Variants in PHF24 observed in about 807,000 individuals in gnomAD.
The protein encoded by PHF24 is Galpha inhibitory interacting protein.
PHF24 carries 25 observed loss-of-function variants against 42.6 expected under a neutral mutation model. That is an observed-to-expected ratio of 0.59 (90% confidence interval 0.43 to 0.82). The LOEUF (loss-of-function observed/expected upper bound fraction) is 0.82. Ranked by LOEUF, PHF24 falls within the 40% of genes least tolerant of loss-of-function variation. PHF24 has a pLI of 0.00. For missense variants in PHF24, 470 were observed against 538.1 expected (o/e 0.87, Z 1.25); for synonymous variants, 185 against 204.8 (o/e 0.90, Z 0.83).
chr9:34,918,033 GC>G, the PHF24 span: 1 of 1,277,278 alleles, frequency 7.8e-7, no homozygotes, highest in East Asian at 2.3e-5. Context: ...CCACATCTGT[GC>G]CTGTGATCCC....
Position 34,960,925 on chromosome 9 carries a change from C to T in PHF24, c.-5+2524C>T, listed in dbSNP as rs1000799062. Among the ~76,000 whole-genome samples, 34 of 152,272 alleles carry T rather than the reference C, an allele frequency of 2.2e-4. 1 individual carries two copies. The South Asian group carries it at 5.2e-3, about 23-fold the overall frequency. On this transcript the variant is annotated intron_variant, in intron 1 of 7. Coordinates refer to ENST00000242315, the Ensembl canonical transcript of PHF24. ...CAAAGGGAAATAAAAGGGGAGAGAA[C>T]GGCTCACCCAGTTTCATTTGAGCTT...
At chr9:34,815,389 C>T in the PHF24 span, among the ~76,000 whole-genome samples, 349 of 152,280 alleles carry the variant, frequency 2.3e-3, 2 homozygotes, top group African/African-American at 7.3e-3. Flanking sequence ...GTGGCGCTAT[C>T]TTGGCTCACT....
chr9:34,713,146 T>C, the PHF24 span, among the ~76,000 whole-genome samples: 1 of 152,182 alleles, frequency 6.6e-6, no homozygotes, highest in Admixed American at 6.5e-5. Context: ...TTTTGCAAAG[T>C]GTGTATTCTT....
chr9:34,943,514 T>G, the PHF24 span, among the ~76,000 whole-genome samples: 1 of 152,312 alleles, frequency 6.6e-6, no homozygotes, highest in South Asian at 2.1e-4. Flanking sequence ...ATTAGAACCA[T>G]GAGGATGTTT....
chr9:34,938,470 T>C, the PHF24 span, among the ~76,000 whole-genome samples: 1 of 152,190 alleles, frequency 6.6e-6, no homozygotes, highest in African/African-American at 2.4e-5. Context: ...AAACAGAAAC[T>C]GCAGAGGCAG....
At chr9:34,732,303 G>A in the PHF24 span, among the ~76,000 whole-genome samples, 13 of 152,178 alleles carry the variant, frequency 8.5e-5, no homozygotes, top group East Asian at 2.5e-3. Flanking sequence ...ATTTTAACTG[G>A]GGTGAGATGA....
chr9:34,671,849 A>G, the PHF24 span, among the ~76,000 whole-genome samples: 1 of 150,308 alleles, frequency 6.7e-6, no homozygotes, highest in Non-Finnish European at 1.5e-5. Context: ...CCATCCATCC[A>G]TCCATGTGTC....
upstream of PHF24, among the ~76,000 whole-genome samples, chr9:34,954,596 CACAGTCTCTTTAATATCCCA>C (rs1227415708): frequency 1.3e-5 from 2 of 152,198 alleles, no homozygotes; most frequent in African/African-American, 4.8e-5. Context: ...GATTTCCCCC[CACAGTCTCTTTAATATCCCA>C]ACAGGTTTTT....
the PHF24 span, chr9:34,691,089 A>G: frequency 1.2e-6 from 2 of 1,608,054 alleles, no homozygotes; most frequent in African/African-American, 1.3e-5. Flanking sequence ...CTTCAGCCTT[A>G]CCTGGGGAAG....
chr9:34,912,425 C>T, the PHF24 span, among the ~76,000 whole-genome samples: 3 of 152,036 alleles, frequency 2.0e-5, no homozygotes, highest in Non-Finnish European at 2.9e-5. Flanking sequence ...ATTGAAAATC[C>T]GGCAGAGGAG....
chr9:34,825,879 G>A, the PHF24 span, among the ~76,000 whole-genome samples: 1 of 152,104 alleles, frequency 6.6e-6, no homozygotes. Flanking sequence ...TGCAAGGAGG[G>A]CTTCCCTTCC....
At chr9:34,855,201 T>C in the PHF24 span, among the ~76,000 whole-genome samples, 1 of 152,218 alleles carries the variant, frequency 6.6e-6, no homozygotes, top group Non-Finnish European at 1.5e-5. Flanking sequence ...GAAGACAGCA[T>C]ACCAATGGGG....
chr9:34,969,619 C>A lies in PHF24; in HGVS notation c.-4-1676C>A, dbSNP rs966750581. ...TCGTGCCACTGCACTCCAGCCTGGG[C>A]GACAGAGCGAGACTCTGTCTCAAAA... On this transcript the variant is annotated intron_variant, in intron 1 of 7. Transcript: ENST00000242315. Among the ~76,000 whole-genome samples the A allele has an allele frequency of 5.4e-5, 8 of 147,162 alleles. 1 individual carries two copies. Among genetic ancestry groups the A allele is most frequent in the African/African-American group, 2.0e-4 (8 of 39,044 alleles).
the PHF24 span, among the ~76,000 whole-genome samples, chr9:34,876,436 C>T: frequency 3.3e-5 from 5 of 152,152 alleles, no homozygotes; most frequent in South Asian, 1.0e-3. Context: ...ATATGACATT[C>T]TGGAGAGGGC....
the PHF24 span, among the ~76,000 whole-genome samples, chr9:34,671,082 C>T: frequency 6.6e-6 from 1 of 152,192 alleles, no homozygotes; most frequent in Non-Finnish European, 1.5e-5. Flanking sequence ...CACTGTCCCT[C>T]TCCCTTATTG....
the PHF24 span, among the ~76,000 whole-genome samples, chr9:34,741,623 A>G: frequency 1.8e-4 from 27 of 152,232 alleles, no homozygotes; most frequent in Non-Finnish European, 3.7e-4. Flanking sequence ...TGGCCTCCCA[A>G]AGTGCTGGGA....
At chr9:34,700,891 G>T in the PHF24 span, among the ~76,000 whole-genome samples, 1 of 152,180 alleles carries the variant, frequency 6.6e-6, no homozygotes, top group African/African-American at 2.4e-5. Context: ...CAGGCCCGGT[G>T]TGTGAAGTGT....
chr9:34,723,767 G>A, the PHF24 span: 50 of 1,551,722 alleles, frequency 3.2e-5, no homozygotes, highest in Middle Eastern at 5.0e-4. Flanking sequence ...CACAGTCTGG[G>A]CATTCTCAGG....
chr9:34,886,191 T>A, the PHF24 span, among the ~76,000 whole-genome samples: 1 of 150,696 alleles, frequency 6.6e-6, no homozygotes, highest in Non-Finnish European at 1.5e-5. Flanking sequence ...CTGTCTTGCT[T>A]ATCCCTCTTG....
Sources: allele counts gnomAD v4.1 joint callset (sites outside exome capture counted in the v4.1 genomes callset), GRCh38; gene constraint gnomAD v4.1.1; transcripts MANE v1.5; gene names NCBI Gene and HGNC (gene_info 2026-07-23, HGNC 2026-07-21).